NFIA: variants seen among roughly 807,000 people sequenced by gnomAD.
NFIA encodes the protein nuclear factor I A, also known as nuclear factor 1 A-type.
NFIA carries 8 observed loss-of-function variants against 62.8 expected under a neutral mutation model. The observed-to-expected ratio is 0.13, with a 90% CI of 0.07 to 0.23. The LOEUF (loss-of-function observed/expected upper bound fraction) is 0.23, where lower values mean the gene tolerates loss of function less well. Ranked by LOEUF, NFIA falls within the 10% of genes least tolerant of loss-of-function variation. The pLI is 1.00. For missense variants in NFIA, 410 were observed against 642.1 expected, an observed-to-expected ratio of 0.64 and a Z score of 3.91; for synonymous variants, 235 against 238.1, an observed-to-expected ratio of 0.99 and a Z score of 0.12.
chr1:61,364,992 C>T (rs1663507968), intron 6 of NFIA, among the ~76,000 whole-genome samples: 2 of 152,098 alleles, frequency 1.3e-5, no homozygotes, highest in South Asian at 4.1e-4. Context: ...TGAGATCAGC[C>T]TAAGTAACAT....
At chr1:61,263,495 T>G (rs1413779121) in intron 2 of NFIA, among the ~76,000 whole-genome samples, 1 of 152,200 alleles carries the variant, frequency 6.6e-6, no homozygotes, top group East Asian at 1.9e-4. Flanking sequence ...AGGCTCTTTC[T>G]TGTGAATAGG....
intron 3 of NFIA, among the ~76,000 whole-genome samples, chr1:61,307,335 G>A (rs1274153952): frequency 6.6e-6 from 1 of 152,198 alleles, no homozygotes; most frequent in African/African-American, 2.4e-5. Flanking sequence ...TGAGGATGTG[G>A]ACGGTGTGAT....
intron 2 of NFIA, among the ~76,000 whole-genome samples, chr1:61,187,516 T>A (rs534188156): frequency 6.6e-6 from 1 of 152,334 alleles, no homozygotes; most frequent in South Asian, 2.1e-4. Context: ...GGTGGTGGCA[T>A]GGAGATGCGC....
chr1:61,419,298 A>T (rs1305843415), intron 9 of NFIA, among the ~76,000 whole-genome samples: 1 of 152,042 alleles, frequency 6.6e-6, no homozygotes, highest in Non-Finnish European at 1.5e-5. Context: ...AAAAGTAAAA[A>T]AATTAGCTGG....
At chr1:61,235,431 C>T (rs1025372267) in intron 2 of NFIA, among the ~76,000 whole-genome samples, 1 of 150,406 alleles carries the variant, frequency 6.6e-6, no homozygotes, top group Non-Finnish European at 1.5e-5. Context: ...CCACTGCACT[C>T]CAGCCTGGGC....
chr1:61,252,318 T>G (rs1332493616), intron 2 of NFIA, among the ~76,000 whole-genome samples: 1 of 152,238 alleles, frequency 6.6e-6, no homozygotes, highest in Non-Finnish European at 1.5e-5. Context: ...TTACCAGTTG[T>G]GTGCTTACCA....
intron 2 of NFIA, among the ~76,000 whole-genome samples, chr1:61,114,699 C>A (rs1049679507): frequency 6.6e-6 from 1 of 152,078 alleles, no homozygotes; most frequent in Non-Finnish European, 1.5e-5. Context: ...TTCTTCTTAT[C>A]TTTTAATGGT....
chr1:61,272,727 C>T (rs1657587803), intron 2 of NFIA, among the ~76,000 whole-genome samples: 1 of 152,108 alleles, frequency 6.6e-6, no homozygotes, highest in African/African-American at 2.4e-5. Flanking sequence ...TTTCTTTTAC[C>T]TCAGAAATGT....
intron 2 of NFIA, among the ~76,000 whole-genome samples, chr1:61,138,656 C>T (rs896507334): frequency 6.6e-6 from 1 of 151,914 alleles, no homozygotes; most frequent in Non-Finnish European, 1.5e-5. Flanking sequence ...TCTCAGCTCA[C>T]TGCAACCTCC....
intron 9 of NFIA, 92 bp from the exon 10 acceptor site, chr1:61,426,373 G>C: frequency 1.2e-6 from 1 of 834,004 alleles, no homozygotes; most frequent in Non-Finnish European, 2.0e-6. Flanking sequence ...TTGTTAATCA[G>C]CTGCGTCGGC....
intron 2 of NFIA, among the ~76,000 whole-genome samples, chr1:61,264,653 CAAAAAAAAAAAAA>C (rs1165980251): frequency 2.5e-4 from 15 of 60,742 alleles, no homozygotes; most frequent in South Asian, 1.1e-3. Flanking sequence ...CTCCACCTTA[CAAAAAAAAAAAAA>C]AAAAAAAAAA....
intron 7 of NFIA, among the ~76,000 whole-genome samples, chr1:61,392,484 G>GGA (rs61107152): frequency 0.014 from 2,096 of 152,120 alleles, 51 homozygotes; most frequent in African/African-American, 0.048. Flanking sequence ...ACTGCCTAGT[G>GGA]GAACTATCCT....
chr1:61,135,371 T>C (rs1351020554), intron 2 of NFIA, among the ~76,000 whole-genome samples: 3 of 152,206 alleles, frequency 2.0e-5, no homozygotes, highest in Non-Finnish European at 4.4e-5. Context: ...TAAATTTTTA[T>C]CATGCCTTCT....
chr1:61,224,331 G>A (rs907831463), intron 2 of NFIA, among the ~76,000 whole-genome samples: 1 of 152,034 alleles, frequency 6.6e-6, no homozygotes, highest in South Asian at 2.1e-4. Flanking sequence ...CTTTTTTGGT[G>A]AATTAAGATT....
intron 7 of NFIA, among the ~76,000 whole-genome samples, chr1:61,386,904 C>G (rs1410231564): frequency 6.6e-6 from 1 of 152,184 alleles, no homozygotes; most frequent in African/African-American, 2.4e-5. Context: ...GCTTCTGTGT[C>G]TGGTGAGGGC....
rs1313669517 is a variant in NFIA, at chr1:61,456,781, G to A, written c.*1461G>A. 1.4e-4 allele frequency: 20 copies of A among 138,958 alleles called. No individual in the cohort carries two copies. Among genetic ancestry groups the A allele is most frequent in the African/African-American group, 4.9e-4 (18 of 36,618 alleles). 8.6% of individuals were successfully genotyped at this position (138,958 alleles called of 1,614,324 possible). Reference sequence around the variant, plus strand: ...AAAAAAAAAGTTTGCACCCCCAAACGTCCTGTATCTTATGAAAAAAAAAAC... The same window carrying A: ...AAAAAAAAAGTTTGCACCCCCAAACATCCTGTATCTTATGAAAAAAAAAAC... On this transcript the variant is annotated 3_prime_UTR_variant, in exon 11 of 11. Transcript: ENST00000403491.
intron 5 of NFIA, among the ~76,000 whole-genome samples, chr1:61,356,243 C>A (rs1248822919): frequency 1.3e-5 from 2 of 152,068 alleles, no homozygotes; most frequent in Non-Finnish European, 2.9e-5. Context: ...AGTCATTTTC[C>A]CTGAAGATCT....
At chr1:61,341,975 C>G (rs952133453) in intron 4 of NFIA, among the ~76,000 whole-genome samples, 1 of 152,108 alleles carries the variant, frequency 6.6e-6, no homozygotes, top group African/African-American at 2.4e-5. Flanking sequence ...ATTATCATAG[C>G]TAACTCTTGC....
At chr1:61,393,242 T>G (rs1054448184) in intron 7 of NFIA, among the ~76,000 whole-genome samples, 10 of 59,782 alleles carry the variant, frequency 1.7e-4, no homozygotes, top group Non-Finnish European at 1.9e-4. Context: ...CCTCGCCCTC[T>G]CCCTCTCTCT....
Sources: gnomAD v4.1 joint callset for allele counts (sites outside exome capture counted in the v4.1 genomes callset) on GRCh38, gnomAD v4.1.1 for gene constraint, MANE v1.5 for transcripts, NCBI Gene and HGNC (gene_info 2026-07-23, HGNC 2026-07-21) for gene names.